CHLSN: variants seen among roughly 807,000 people sequenced by gnomAD.
CHLSN encodes the protein protein cholesin.
chr7:1,036,266 C>T, the CHLSN span, among the ~76,000 whole-genome samples: 22 of 151,960 alleles, frequency 1.4e-4, no homozygotes, highest in Non-Finnish European at 1.3e-4. Flanking sequence ...GGACTTCGGG[C>T]GGTTGTGCTG....
chr7:1,131,118 G>T, the CHLSN span, among the ~76,000 whole-genome samples: 1 of 151,136 alleles, frequency 6.6e-6, no homozygotes, highest in African/African-American at 2.4e-5. Flanking sequence ...TTGAGCCTGG[G>T]AGGTCGAGGC....
the CHLSN span, among the ~76,000 whole-genome samples, chr7:1,050,996 C>T: frequency 1.1e-4 from 16 of 152,224 alleles, no homozygotes; most frequent in Non-Finnish European, 1.5e-4. Context: ...GCTGAGGTCA[C>T]CCCACAGGCC....
the CHLSN span, among the ~76,000 whole-genome samples, chr7:1,016,919 G>GCAGCACACAGCAGCACACGC: frequency 1.8e-4 from 14 of 77,388 alleles, no homozygotes; most frequent in East Asian, 3.6e-3. Flanking sequence ...CCAGCGCACA[G>GCAGCACACAGCAGCACACGC]CAGCACACAG....
chr7:999,683 G>C, the CHLSN span, among the ~76,000 whole-genome samples: 1 of 152,166 alleles, frequency 6.6e-6, no homozygotes, highest in Non-Finnish European at 1.5e-5. Flanking sequence ...CGCTCTGAGA[G>C]TCTGCAAACA....
the CHLSN span, among the ~76,000 whole-genome samples, chr7:1,020,688 ACAGAGGCTCCCATTCCTGTT>A: frequency 5.9e-5 from 9 of 152,210 alleles, no homozygotes; most frequent in Non-Finnish European, 1.0e-4. Context: ...CCTGCAGGAA[ACAGAGGCTCCCATTCCTGTT>A]CACCTCTGAT....
the CHLSN span, among the ~76,000 whole-genome samples, chr7:1,071,348 G>A: frequency 2.6e-5 from 4 of 152,218 alleles, no homozygotes; most frequent in Non-Finnish European, 4.4e-5. Context: ...TGGTGAAACC[G>A]GAAGGTGCTG....
At chr7:1,118,854 TA>T in the CHLSN span, among the ~76,000 whole-genome samples, 70 of 144,048 alleles carry the variant, frequency 4.9e-4, no homozygotes, top group Admixed American at 1.1e-3. Flanking sequence ...TATTAAAGCA[TA>T]TTTTTTTTTA....
At chr7:1,088,702 C>T in the CHLSN span, among the ~76,000 whole-genome samples, 6 of 152,348 alleles carry the variant, frequency 3.9e-5, no homozygotes, top group South Asian at 1.0e-3. The surrounding 1 kb of genome is among the most constrained non-coding windows in gnomAD (Gnocchi z 4.5). Flanking sequence ...GAGGGCCACA[C>T]GCCTTTTGAC....
At chr7:1,021,633 C>T in the CHLSN span, 1 of 951,396 alleles carries the variant, frequency 1.1e-6, no homozygotes, top group Non-Finnish European at 1.3e-6. Context: ...CCCAGTGTGA[C>T]TGGCTTTGCT....
the CHLSN span, among the ~76,000 whole-genome samples, chr7:1,054,022 TC>T: frequency 1.3e-5 from 2 of 152,126 alleles, no homozygotes; most frequent in African/African-American, 4.8e-5. Context: ...GGAAGGGGTT[TC>T]CTCACGCTCT....
At chr7:1,016,698 C>CAG in the CHLSN span, among the ~76,000 whole-genome samples, 6,003 of 68,718 alleles carry the variant, frequency 0.087, 744 homozygotes, top group African/African-American at 0.19. Context: ...GCAGCGCATG[C>CAG]CAGCACACGC....
chr7:1,024,691 C>G, the CHLSN span: 1 of 152,136 alleles, frequency 6.6e-6, no homozygotes, highest in African/African-American at 2.4e-5. Flanking sequence ...CCCTCCTTGC[C>G]GAGCCAGACA....
the CHLSN span, among the ~76,000 whole-genome samples, chr7:1,051,244 G>T: frequency 6.6e-6 from 1 of 152,200 alleles, no homozygotes; most frequent in South Asian, 2.1e-4. Flanking sequence ...CCCAACCCCG[G>T]TCCTCTCAGG....
At chr7:1,066,751 C>T in the CHLSN span, among the ~76,000 whole-genome samples, 8 of 152,230 alleles carry the variant, frequency 5.3e-5, no homozygotes, top group Non-Finnish European at 8.8e-5. Context: ...CAGCCCGGCA[C>T]GAGGGAAGGC....
At chr7:1,113,696 T>C in the CHLSN span, among the ~76,000 whole-genome samples, 2 of 152,130 alleles carry the variant, frequency 1.3e-5, no homozygotes, top group African/African-American at 4.8e-5. Flanking sequence ...ACAGACTCAT[T>C]ACCTCCTCTT....
At chr7:1,008,615 C>T in the CHLSN span, among the ~76,000 whole-genome samples, 8 of 152,264 alleles carry the variant, frequency 5.3e-5, no homozygotes, top group East Asian at 1.5e-3. Context: ...GCCTCAGCTC[C>T]GAGAAACAGG....
chr7:1,098,976 A>G, the CHLSN span, among the ~76,000 whole-genome samples: 19 of 152,272 alleles, frequency 1.2e-4, no homozygotes, highest in African/African-American at 4.6e-4. Flanking sequence ...GATTTCTGCT[A>G]TGTAAATTAC....
chr7:980,957 T>G, the CHLSN span, among the ~76,000 whole-genome samples: 1 of 151,744 alleles, frequency 6.6e-6, no homozygotes, highest in Non-Finnish European at 1.5e-5. Flanking sequence ...CCTCCCAAAG[T>G]GCTGGGATTA....
At chr7:1,016,450 CAGCAGCGCACGCCAGCACAT>C in the CHLSN span, among the ~76,000 whole-genome samples, 38 of 138,272 alleles carry the variant, frequency 2.7e-4, 1 homozygote, top group African/African-American at 9.5e-4. Context: ...CGCCAGCACA[CAGCAGCGCACGCCAGCACAT>C]AGCAGCACAG....
Sources: gnomAD v4.1 joint callset for allele counts (sites outside exome capture counted in the v4.1 genomes callset) on GRCh38, gnomAD v4.1.1 for gene constraint, Gnocchi (gnomAD v3.1) non-coding constraint, MANE v1.5 for transcripts, NCBI Gene and HGNC (gene_info 2026-07-23, HGNC 2026-07-21) for gene names.